KMT5A: variants seen among roughly 807,000 people sequenced by gnomAD.
KMT5A encodes lysine methyltransferase 5A, also known as N-lysine methyltransferase KMT5A.
In KMT5A, 6 loss-of-function variants were observed where a neutral mutation model predicts 40.6. That is an observed-to-expected ratio of 0.15 (90% CI 0.08 to 0.29). The LOEUF (loss-of-function observed/expected upper bound fraction) is 0.29. KMT5A is among the 10% of genes least tolerant of loss of function. KMT5A has a pLI of 1.00. For missense variants in KMT5A, 308 were observed against 459.1 expected, an observed-to-expected ratio of 0.67 and a Z score of 3.01; for synonymous variants, 153 against 178.8, an observed-to-expected ratio of 0.86 and a Z score of 1.15.
At chr12:123,401,685 G>A (rs185590660) in intron 5 of KMT5A, among the ~76,000 whole-genome samples, 53 of 150,944 alleles carry the variant, frequency 3.5e-4, no homozygotes, top group Non-Finnish European at 6.6e-4. Flanking sequence ...GGGTTCAAGC[G>A]ATTCTCCTGC....
At chr12:123,396,580 G>C in intron 5 of KMT5A, 148 bp downstream of exon 5, 1 of 694,752 alleles carries the variant, frequency 1.4e-6, no homozygotes, top group South Asian at 1.8e-5. Flanking sequence ...TTTTCTCCTG[G>C]ATCTATCGGG....
intron 2 of KMT5A, 97 bp downstream of exon 2, chr12:123,389,651 CGGGCCGCTTCCTTT>C (rs993706745): frequency 1.2e-4 from 107 of 915,472 alleles, no homozygotes; most frequent in Non-Finnish European, 1.4e-4. Context: ...GGCGCCCGGC[CGGGCCGCTTCCTTT>C]GCTGCCGCCT....
intron 1 of KMT5A, 144 bp from the exon 2 acceptor site, chr12:123,389,289 G>C (rs1877089340): frequency 2.7e-6 from 1 of 376,792 alleles, no homozygotes; most frequent in African/African-American, 2.3e-5. Flanking sequence ...TCCCGGCTGC[G>C]CGGGCGGCTC....
At chr12:123,406,525 G>T (rs1330122879) in intron 7 of KMT5A, among the ~76,000 whole-genome samples, 1 of 152,028 alleles carries the variant, frequency 6.6e-6, no homozygotes, top group Non-Finnish European at 1.5e-5. Flanking sequence ...TGGTGGCCAG[G>T]CTGGTTTTGA....
At chr12:123,402,169 A>G (rs1411867544) in intron 5 of KMT5A, among the ~76,000 whole-genome samples, 1 of 152,240 alleles carries the variant, frequency 6.6e-6, no homozygotes, top group Non-Finnish European at 1.5e-5. Context: ...GGAGAGAGCC[A>G]CTGCCCCTGG....
At chr12:123,390,107 C>G (rs777590100) in intron 2 of KMT5A, 2 of 468,858 alleles carry the variant, frequency 4.3e-6, no homozygotes, top group Non-Finnish European at 4.4e-6. Context: ...GAAGTCCTCC[C>G]GTCGCAGCCC....
intron 7 of KMT5A, among the ~76,000 whole-genome samples, chr12:123,406,202 C>T (rs576243558): frequency 1.1e-4 from 16 of 152,324 alleles, no homozygotes; most frequent in African/African-American, 3.9e-4. Flanking sequence ...ACATGAAAAC[C>T]TGTTAAGCAG....
At chr12:123,385,801 G>A (rs566620591) in intron 1 of KMT5A, among the ~76,000 whole-genome samples, 2 of 152,168 alleles carry the variant, frequency 1.3e-5, no homozygotes, top group South Asian at 2.1e-4. Context: ...GCAGTGAGCC[G>A]AGATTACGTC....
chr12:123,387,511 T>C (rs2139154091), intron 1 of KMT5A, among the ~76,000 whole-genome samples: 1 of 152,354 alleles, frequency 6.6e-6, no homozygotes, highest in Middle Eastern at 3.4e-3. Context: ...AGAGTGTCAC[T>C]TTCGAATCCT....
At chr12:123,406,378 G>A (rs533511046) in intron 7 of KMT5A, among the ~76,000 whole-genome samples, 4 of 152,008 alleles carry the variant, frequency 2.6e-5, no homozygotes, top group South Asian at 2.1e-4. Flanking sequence ...GCAGTGGCAC[G>A]ATCTTGGCTC....
chr12:123,403,804 T>C (rs1431981094), intron 6 of KMT5A, among the ~76,000 whole-genome samples, 172 bp downstream of exon 6: 1 of 152,164 alleles, frequency 6.6e-6, no homozygotes, highest in Non-Finnish European at 1.5e-5. Context: ...GTTAAGGAAA[T>C]GTCTTATGAA....
rs1878633657 is a variant in KMT5A, at chr12:123,407,372, TCTTTTCAAAA to T, written c.849-119_849-110del. On this transcript the variant is annotated intron_variant, in intron 7 of 7. Coordinates refer to ENST00000402868, the MANE Select transcript of KMT5A (RefSeq NM_020382.7). ...AAAGAAAATAGCTTTATGAATTGAA[TCTTTTCAAAA>T]CACATGGCTTTAAATCAGCATCCCA... is the stretch of plus-strand genomic sequence containing the variant. 5 of 970,094 alleles carry T rather than the reference TCTTTTCAAAA, an allele frequency of 5.2e-6. 1 individual carries two copies. The South Asian group carries it at 8.1e-5, about 16-fold the overall frequency. 60.1% of individuals were successfully genotyped at this position (970,094 alleles called of 1,614,324 possible).
intron 4 of KMT5A, 71 bp downstream of exon 4, chr12:123,395,337 C>A: frequency 6.7e-7 from 1 of 1,501,542 alleles, no homozygotes; most frequent in South Asian, 1.2e-5. Flanking sequence ...GAAGCCTGCT[C>A]AGGTGCCCAT....
chr12:123,388,204 C>G (rs1000739465), intron 1 of KMT5A, among the ~76,000 whole-genome samples: 1 of 152,246 alleles, frequency 6.6e-6, no homozygotes, highest in Non-Finnish European at 1.5e-5. Flanking sequence ...AACTCCATTT[C>G]CTCATCTGTA....
chr12:123,403,739 C>A, intron 6 of KMT5A, 107 bp downstream of exon 6: 2 of 1,205,238 alleles, frequency 1.7e-6, no homozygotes, highest in Non-Finnish European at 1.2e-6. Flanking sequence ...CCTCTAATGG[C>A]CATGGTGACC....
chr12:123,407,350 G>T lies in KMT5A; in HGVS notation c.849-143G>T, dbSNP rs142860395. On this transcript the variant is annotated intron_variant, in intron 7 of 7. Coordinates refer to ENST00000402868, the MANE Select transcript of KMT5A (RefSeq NM_020382.7). ...CGAGACCCCCTCTAAAAAGGAAAAA[G>T]AAAATAGCTTTATGAATTGAATCTT... 504 of 882,438 alleles carry T rather than the reference G, an allele frequency of 5.7e-4. 2 individuals carry two copies. The African/African-American group carries it at 7.4e-3, about 13-fold the overall frequency. The allele number at this position is 882,438 out of a possible 1,614,324, so 54.7% of individuals were successfully genotyped here.
intron 7 of KMT5A, among the ~76,000 whole-genome samples, chr12:123,406,277 C>T (rs1878545281): frequency 6.6e-6 from 1 of 152,176 alleles, no homozygotes. Flanking sequence ...TTGATCTTGC[C>T]TGGCTAGGAC....
chr12:123,405,077 G>A lies in KMT5A; in HGVS notation c.848+3G>A, dbSNP rs1320367757. On this transcript the variant is annotated splice_donor_region_variant and intron_variant, in intron 7 of 7. Transcript: ENST00000402868. ...CAGTATCTGAGCAAAACCTACTGGT[G>A]AGTCCACTGTTGCTTAGAGTGGCTT... The A allele has an allele frequency of 1.2e-6, 2 of 1,610,918 alleles. No homozygotes were observed. The highest frequency in any genetic ancestry group is 1.7e-6 in the Non-Finnish European group (2 of 1,178,152).
chr12:123,387,766 C>G (rs1014447974), intron 1 of KMT5A, among the ~76,000 whole-genome samples: 1 of 152,150 alleles, frequency 6.6e-6, no homozygotes, highest in African/African-American at 2.4e-5. Context: ...CTACAAACAG[C>G]CATTTGCTTA....
Sources: gnomAD v4.1 joint callset for allele counts (sites outside exome capture counted in the v4.1 genomes callset) on GRCh38, gnomAD v4.1.1 for gene constraint, MANE v1.5 for transcripts, NCBI Gene and HGNC (gene_info 2026-07-23, HGNC 2026-07-21) for gene names.